The following PLEKHA8 variants were observed in gnomAD, a reference collection of about 807,000 sequenced individuals.
The protein encoded by PLEKHA8 is pleckstrin homology domain-containing family A member 8.
Under a neutral mutation model 68.2 loss-of-function variants are expected in PLEKHA8, and 36 were observed. The observed-to-expected ratio is 0.53, with a 90% CI of 0.40 to 0.70. The LOEUF (loss-of-function observed/expected upper bound fraction) is 0.70, where lower values mean the gene tolerates loss of function less well. PLEKHA8 is among the 30% of genes least tolerant of loss of function. PLEKHA8 has a pLI of 0.00. For synonymous variants in PLEKHA8, 211 were observed against 216.1 expected (o/e 0.98, Z 0.20); for missense variants, 505 against 615.4 (o/e 0.82, Z 1.90).
chr7:30,119,685 AATGAAAAGGGAG>A (rs1254506532), intron 13 of PLEKHA8, among the ~76,000 whole-genome samples: 1 of 152,176 alleles, frequency 6.6e-6, no homozygotes, highest in Non-Finnish European at 1.5e-5. Flanking sequence ...ATTTTATTAC[AATGAAAAGGGAG>A]ATGAAAACAG....
intron 13 of PLEKHA8, among the ~76,000 whole-genome samples, chr7:30,121,608 G>A (rs1400607298): frequency 2.0e-5 from 3 of 151,552 alleles, no homozygotes; most frequent in South Asian, 2.1e-4. Context: ...CAGCCTGGGC[G>A]ACAGAGCGAG....
intron 13 of PLEKHA8, among the ~76,000 whole-genome samples, chr7:30,101,494 A>C (rs911919974): frequency 2.0e-5 from 3 of 152,132 alleles, no homozygotes; most frequent in African/African-American, 7.2e-5. Flanking sequence ...GTGTCCTCAC[A>C]TGGAGGAAGG....
At position 30,049,206 on chromosome 7, in the gene PLEKHA8, A is replaced by C. The variant is rs1433479958; in HGVS notation, c.439-18A>C. 1.2e-6 allele frequency: 2 copies of C among 1,613,382 alleles called. No individual in the cohort carries two copies. The stretch of plus-strand genomic sequence containing the variant: ...TTTTGGCAAGGTAAAGGAGTCTTCC[A>C]CTCTGGTTGTTTCGTAGGAGGGAAT... On this transcript the variant is annotated intron_variant, in intron 4 of 13. Coordinates refer to ENST00000449726, the MANE Select transcript of PLEKHA8 (RefSeq NM_001197026.2).
chr7:30,098,971 G>T (rs1161224652), intron 13 of PLEKHA8, among the ~76,000 whole-genome samples: 1 of 152,144 alleles, frequency 6.6e-6, no homozygotes, highest in Non-Finnish European at 1.5e-5. Flanking sequence ...CCTCAACCTG[G>T]TCTCGAACTC....
At chr7:30,111,178 C>T (rs957429823) in intron 13 of PLEKHA8, among the ~76,000 whole-genome samples, 2 of 152,164 alleles carry the variant, frequency 1.3e-5, no homozygotes, top group Admixed American at 6.5e-5. Context: ...CACTGGATTA[C>T]ACGCATGAGC....
Position 30,081,605 on chromosome 7 carries a change from G to T in PLEKHA8, c.*2818G>T. On this transcript the variant is annotated 3_prime_UTR_variant, in exon 14 of 14. Transcript: ENST00000449726. Reference sequence around the variant, plus strand: ...AACTAAATTTACTTTCACCATTACTGTGAGAGGAGGTGAGAAAACTCTAGT... The same window carrying T: ...AACTAAATTTACTTTCACCATTACTTTGAGAGGAGGTGAGAAAACTCTAGT... 1.0e-6 allele frequency: 1 copy of T among 985,272 alleles called. No individual in the cohort carries two copies. The highest frequency in any genetic ancestry group is 1.2e-6 in the Non-Finnish European group (1 of 829,798). The allele number at this position is 985,272 out of a possible 1,614,324, so 61.0% of individuals were successfully genotyped here.
chr7:30,095,701 A>G (rs1458605856), downstream of PLEKHA8, among the ~76,000 whole-genome samples: 2 of 152,336 alleles, frequency 1.3e-5, no homozygotes, highest in Admixed American at 6.5e-5. Context: ...TAATTTTTGT[A>G]TAAGGTGTAA....
chr7:30,118,112 GGACTAA>G, intron 13 of PLEKHA8: 2 of 1,220,814 alleles, frequency 1.6e-6, no homozygotes, highest in Non-Finnish European at 2.1e-6. Flanking sequence ...GGATCAGCCT[GGACTAA>G]ATGCCTCTCC....
chr7:30,100,289 A>C (rs1795802081), intron 13 of PLEKHA8, among the ~76,000 whole-genome samples: 1 of 152,124 alleles, frequency 6.6e-6, no homozygotes. Flanking sequence ...GGTGGCTCAC[A>C]CCTGTAATCC....
intron 1 of PLEKHA8, among the ~76,000 whole-genome samples, chr7:30,040,036 A>G (rs979537437): frequency 6.6e-6 from 1 of 152,206 alleles, no homozygotes; most frequent in African/African-American, 2.4e-5. Context: ...TATCAGGTTG[A>G]AGAAGTTCTC....
intron 6 of PLEKHA8, among the ~76,000 whole-genome samples, chr7:30,051,960 G>A (rs1313736746): frequency 6.6e-6 from 1 of 152,104 alleles, no homozygotes; most frequent in Non-Finnish European, 1.5e-5. Context: ...GTGACAGAGC[G>A]AGACTCCATC....
At chr7:30,123,499 G>A (rs1226331895) in intron 13 of PLEKHA8, among the ~76,000 whole-genome samples, 1 of 152,200 alleles carries the variant, frequency 6.6e-6, no homozygotes, top group Non-Finnish European at 1.5e-5. Flanking sequence ...TCCAGGCTGA[G>A]CTTTTAGAGT....
chr7:30,120,176 A>G (rs1055940350), intron 13 of PLEKHA8, among the ~76,000 whole-genome samples: 18 of 152,008 alleles, frequency 1.2e-4, no homozygotes, highest in Admixed American at 7.2e-4. Flanking sequence ...AAAACAAAAA[A>G]AAAAACAGAA....
At chr7:30,089,199 A>G (rs568329183), downstream of PLEKHA8, among the ~76,000 whole-genome samples, 1 of 152,320 alleles carries the variant, frequency 6.6e-6, no homozygotes, top group East Asian at 1.9e-4. Context: ...GGCTGGGCTC[A>G]TATTTGGCTG....
intron 3 of PLEKHA8, 120 bp downstream of exon 3, chr7:30,046,485 C>A: frequency 8.9e-7 from 1 of 1,123,048 alleles, no homozygotes; most frequent in Non-Finnish European, 1.2e-6. Context: ...CATGCAAATG[C>A]TGTGTATCTT....
chr7:30,128,097 T>G (rs989764697), intron 13 of PLEKHA8, among the ~76,000 whole-genome samples: 1 of 151,148 alleles, frequency 6.6e-6, no homozygotes, highest in African/African-American at 2.4e-5. Flanking sequence ...CTGTATTTTT[T>G]TTTTTTTTTT....
chr7:30,055,255 A>C lies in PLEKHA8; in HGVS notation c.954-2A>C, dbSNP rs536702623. 3 of 1,613,208 alleles carry C rather than the reference A, an allele frequency of 1.9e-6. No individual in the cohort carries two copies. The East Asian group carries it at 6.7e-5, about 36-fold the overall frequency. On this transcript the variant is annotated splice_acceptor_variant, in intron 8 of 13. Coordinates refer to ENST00000449726, the MANE Select transcript of PLEKHA8 (RefSeq NM_001197026.2). LOFTEE classifies it high-confidence loss of function. ...TCTCCTCCATATCACCAAATTATGT[A>C]GCTTTAGTGACATTGAACTTCTGGA...
At chr7:30,049,518 T>G in intron 5 of PLEKHA8, 136 bp downstream of exon 5, 1 of 1,146,086 alleles carries the variant, frequency 8.7e-7, no homozygotes, top group Non-Finnish European at 1.2e-6. Context: ...CGTCCTTTTT[T>G]TATATCTGTC....
chr7:30,060,843 A>G, intron 9 of PLEKHA8, 41 bp from the exon 10 acceptor site: 1 of 1,556,636 alleles, frequency 6.4e-7, no homozygotes, highest in Non-Finnish European at 8.8e-7. Context: ...TTGCCACTTA[A>G]AAATTGCTTT....
Sources: gnomAD v4.1 joint callset for allele counts (sites outside exome capture counted in the v4.1 genomes callset) on GRCh38, gnomAD v4.1.1 for gene constraint, MANE v1.5 for transcripts, NCBI Gene and HGNC (gene_info 2026-07-23, HGNC 2026-07-21) for gene names.